The following MYH16 variants were observed in gnomAD, a reference collection of about 807,000 sequenced individuals.
MYH16 encodes the protein myosin heavy chain 16, also known as putative uncharacterized protein MYH16.
At chr7:99,301,032 T>G (rs970199202) in intron 37 of MYH16, among the ~76,000 whole-genome samples, 6 of 151,434 alleles carry the variant, frequency 4.0e-5, no homozygotes, top group Admixed American at 3.3e-4. Context: ...CCATCTCTAC[T>G]AAAAATATAA....
At chr7:99,308,490 T>TCC (rs1473786568), downstream of MYH16, among the ~76,000 whole-genome samples, 6 of 151,870 alleles carry the variant, frequency 4.0e-5, no homozygotes, top group Non-Finnish European at 8.8e-5. Flanking sequence ...TCACTCCTTT[T>TCC]CCCATGGACA....
intron 34 of MYH16, 109 bp downstream of exon 15, chr7:99,297,026 C>A: frequency 2.6e-6 from 1 of 383,952 alleles, no homozygotes; most frequent in Non-Finnish European, 5.2e-6. Context: ...ATAGTAGGTG[C>A]TCAATAAATG....
chr7:99,308,909 T>C (rs981281999), downstream of MYH16, among the ~76,000 whole-genome samples: 3 of 152,144 alleles, frequency 2.0e-5, no homozygotes, highest in Non-Finnish European at 4.4e-5. Flanking sequence ...CTGGGCAACA[T>C]AGCAAGACCC....
intron 23 of MYH16, among the ~76,000 whole-genome samples, 179 bp downstream of exon 5, chr7:99,281,159 GC>G (rs1245900093): frequency 2.6e-5 from 4 of 152,096 alleles, no homozygotes; most frequent in East Asian, 1.9e-4. Context: ...CATGGGTGTG[GC>G]CCCCCCTTGC....
At chr7:99,239,583 C>A (rs1196185139) in intron 1 of MYH16, among the ~76,000 whole-genome samples, 3 of 152,108 alleles carry the variant, frequency 2.0e-5, no homozygotes, top group Non-Finnish European at 4.4e-5. Flanking sequence ...GTTGCAAGGA[C>A]CCAACCTGGC....
At chr7:99,302,311 A>AT (rs1554340310) in intron 38 of MYH16, among the ~76,000 whole-genome samples, 3,804 of 109,488 alleles carry the variant, frequency 0.035, 352 homozygotes, top group African/African-American at 0.11. Flanking sequence ...AAAAAAAAAA[A>AT]ATATATACAC....
chr7:99,268,125 A>G (rs1331783702), intron 18 of MYH16, among the ~76,000 whole-genome samples: 2 of 152,164 alleles, frequency 1.3e-5, no homozygotes, highest in Non-Finnish European at 1.5e-5. Context: ...TTGCTTTATA[A>G]TACTCTGTGT....
intron 37 of MYH16, among the ~76,000 whole-genome samples, chr7:99,299,861 G>A (rs891270346): frequency 6.6e-6 from 1 of 152,020 alleles, no homozygotes; most frequent in African/African-American, 2.4e-5. Context: ...TCCAGATTCT[G>A]GACAATTGGA....
chr7:99,310,405 C>T (rs1017605924), downstream of MYH16, among the ~76,000 whole-genome samples: 3 of 152,180 alleles, frequency 2.0e-5, no homozygotes, highest in African/African-American at 7.2e-5. Context: ...GGAAGATGGT[C>T]ACATCACAAT....
intron 37 of MYH16, among the ~76,000 whole-genome samples, chr7:99,301,284 T>C (rs1469305104): frequency 6.6e-6 from 1 of 151,318 alleles, no homozygotes; most frequent in African/African-American, 2.4e-5. Context: ...TAGAATATGA[T>C]TGGCAGAGGT....
In MYH16 at chr7:99,297,888, G is replaced by A; in HGVS notation, n.4637-4G>A. 2.2e-6 allele frequency: 1 copy of A among 456,724 alleles called. No homozygotes were observed. Among genetic ancestry groups the A allele is most frequent in the South Asian group, 1.5e-5 (1 of 64,566 alleles). 28.3% of individuals were successfully genotyped at this position (456,724 alleles called of 1,614,324 possible). Reference sequence around the variant, plus strand: ...AGAAAGACTCATGGTTATATTTCTGGTAGGTTGAAGAGAGCAAGGTGATTC... The same window carrying A: ...AGAAAGACTCATGGTTATATTTCTGATAGGTTGAAGAGAGCAAGGTGATTC... On this transcript the variant is annotated splice_region_variant and splice_polypyrimidine_tract_variant and intron_variant and non_coding_transcript_variant, in intron 35 of 41. Coordinates refer to ENST00000439784, the Ensembl canonical transcript of MYH16.
chr7:99,300,915 C>A (rs1466410079), intron 37 of MYH16, among the ~76,000 whole-genome samples: 1 of 151,964 alleles, frequency 6.6e-6, no homozygotes, highest in Non-Finnish European at 1.5e-5. Flanking sequence ...AGAGGACAGG[C>A]CAGGCGCAGT....
At chr7:99,240,143 C>T (rs1024933484) in intron 1 of MYH16, among the ~76,000 whole-genome samples, 7 of 152,008 alleles carry the variant, frequency 4.6e-5, no homozygotes, top group African/African-American at 1.7e-4. Flanking sequence ...TTTGTTTAAT[C>T]CTTTTGGCAA....
intron 20 of MYH16, among the ~76,000 whole-genome samples, chr7:99,274,807 G>A (rs2150817338): frequency 6.6e-6 from 1 of 150,984 alleles, no homozygotes; most frequent in Non-Finnish European, 1.5e-5. Flanking sequence ...CTGAGTATCT[G>A]GGATTACATG....
rs539756909 is a variant in MYH16, at chr7:99,250,651, A to G, written n.637-443A>G. On this transcript the variant is annotated intron_variant and non_coding_transcript_variant, in intron 5 of 41. Transcript: ENST00000439784. Reference sequence around the variant, plus strand: ...CAGCTACTCAGGGGGCTGAAGTGGGAGGATCACCTGAGCCCAGGAGTTGGA... The same window carrying G: ...CAGCTACTCAGGGGGCTGAAGTGGGGGGATCACCTGAGCCCAGGAGTTGGA... 1.1e-4 allele frequency among the ~76,000 whole-genome samples: 16 copies of G among 152,186 alleles called. No homozygotes were observed. The South Asian group carries it at 3.3e-3, about 32-fold the overall frequency.
intron 11 of MYH16, among the ~76,000 whole-genome samples, chr7:99,259,064 TC>T (rs1791907167): frequency 6.6e-6 from 1 of 152,102 alleles, no homozygotes; most frequent in Non-Finnish European, 1.5e-5. Flanking sequence ...TCCTGTGAAC[TC>T]CCTTGCTATC....
chr7:99,287,685 T>C (rs952178591), intron 28 of MYH16: 4 of 347,472 alleles, frequency 1.2e-5, no homozygotes, highest in African/African-American at 8.6e-5. Context: ...AGTATATCTT[T>C]TTGGAGGGCA....
intron 1 of MYH16, among the ~76,000 whole-genome samples, chr7:99,242,954 A>G (rs1791682083): frequency 6.6e-6 from 1 of 152,248 alleles, no homozygotes; most frequent in Non-Finnish European, 1.5e-5. Flanking sequence ...AGCAGAGCCC[A>G]GAGGTCTCTG....
chr7:99,278,418 T>C (rs114234673), intron 21 of MYH16, among the ~76,000 whole-genome samples: 293 of 152,276 alleles, frequency 1.9e-3, no homozygotes, highest in African/African-American at 6.9e-3. Context: ...AAGCCTTGTT[T>C]TCCTCACCTG....
Sources: gnomAD v4.1 joint callset for allele counts (sites outside exome capture counted in the v4.1 genomes callset) on GRCh38, gnomAD v4.1.1 for gene constraint, MANE v1.5 for transcripts, NCBI Gene and HGNC (gene_info 2026-07-23, HGNC 2026-07-21) for gene names.